SCN10A: variants seen among roughly 807,000 people sequenced by gnomAD.
SCN10A encodes sodium channel protein type 10 subunit alpha.
SCN10A carries 162 observed loss-of-function variants against 170.7 expected under a neutral mutation model. The observed-to-expected ratio is 0.95, with a 90% confidence interval of 0.84 to 1.08. The LOEUF (loss-of-function observed/expected upper bound fraction) is 1.08. Ranked by LOEUF, SCN10A falls within the 50% of genes least tolerant of loss-of-function variation. The pLI is 0.00. For missense variants in SCN10A, 2,527 were observed against 2,436.9 expected (o/e 1.04, Z -0.78); for synonymous variants, 985 against 904.6 (o/e 1.09, Z -1.59).
intron 1 of SCN10A, among the ~76,000 whole-genome samples, chr3:38,799,666 T>TTAA (rs1373378211): frequency 6.6e-6 from 1 of 152,176 alleles, no homozygotes; most frequent in East Asian, 1.9e-4. Flanking sequence ...TTTTTTATTC[T>TTAA]TAATAAAACA....
At position 38,726,821 on chromosome 3, in the gene SCN10A, C is replaced by G; in HGVS notation, c.2872G>C (p.Ala958Pro). 1 of 1,613,356 alleles carries G rather than the reference C, an allele frequency of 6.2e-7. No individual in the cohort carries two copies. The highest frequency in any genetic ancestry group is 1.1e-5 in the South Asian group (1 of 91,064). The change falls in exon 17 of 28, where the codon GCT becomes CCT. Residue 958 changes from alanine to proline, a missense_variant. Physicochemically the swap from Ala to Pro is conservative, Grantham distance 27. Transcript: ENST00000449082. ...VVKLPLSSSK[A>P]ENHIAANTAR... ...GTGTTGGCAGCAATGTGGTTCTCAG[C>G]CTTGGAGCTGGAGAGTGGGAGTTTC...
At chr3:38,783,574 G>T (rs2064164021) in intron 4 of SCN10A, among the ~76,000 whole-genome samples, 1 of 151,908 alleles carries the variant, frequency 6.6e-6, no homozygotes, top group Non-Finnish European at 1.5e-5. Flanking sequence ...TCTCATTTTA[G>T]AATATAACAG....
Position 38,761,290 on chromosome 3 carries a change from A to G in SCN10A, c.785T>C (p.Leu262Ser). The G allele has an allele frequency of 6.2e-7, 1 of 1,614,032 alleles. No individual in the cohort carries two copies. The highest frequency in any genetic ancestry group is 8.5e-7 in the Non-Finnish European group (1 of 1,179,940). Residue 262 changes from leucine to serine, a missense_variant, in exon 7 of 28, where the codon TTG (leucine) becomes TCG (serine). Transcript: ENST00000449082. ...GCCCTTGAAGAGTTGCAGCCCCACC[A>G]AGGCAAAAACACTTAGGCAGAAGAT... ...LTIFCLSVFALVGLQLFKGNL... is the reference protein window; with the variant it reads ...LTIFCLSVFASVGLQLFKGNL...
At position 38,727,059 on chromosome 3, in the gene SCN10A, A is replaced by G. The variant is rs371531127; in HGVS notation, c.2641-7T>C. 4.4e-6 allele frequency: 7 copies of G among 1,597,558 alleles called. No homozygotes were observed. In the African/African-American group the frequency reaches 6.7e-5, roughly 15 times the overall value. On this transcript the variant is annotated splice_region_variant and splice_polypyrimidine_tract_variant and intron_variant, in intron 16 of 27. Coordinates refer to ENST00000449082, the MANE Select transcript of SCN10A (RefSeq NM_006514.4). ...CGATGAACAGGTTAAGCACCTGAAGAGAAGGAATGGAAGGGAAGATTGATC... is the reference window on the plus strand; with the variant it reads ...CGATGAACAGGTTAAGCACCTGAAGGGAAGGAATGGAAGGGAAGATTGATC...
chr3:38,814,785 C>T (rs1055401521), intron 1 of SCN10A, among the ~76,000 whole-genome samples: 29 of 152,320 alleles, frequency 1.9e-4, no homozygotes, highest in African/African-American at 6.7e-4. Context: ...CACTCTAAAA[C>T]CTTCCTAACA....
intron 1 of SCN10A, among the ~76,000 whole-genome samples, chr3:38,796,200 T>C (rs1041016899): frequency 2.5e-4 from 38 of 152,292 alleles, no homozygotes; most frequent in African/African-American, 8.9e-4. Flanking sequence ...GTCTTTTTAC[T>C]GCCATTAGCC....
At chr3:38,719,899 T>A (rs1208108979) in intron 20 of SCN10A, among the ~76,000 whole-genome samples, 15 of 152,220 alleles carry the variant, frequency 9.9e-5, no homozygotes, top group Admixed American at 3.3e-4. Context: ...CGGCTGCTAA[T>A]AGTTCATGGA....
At chr3:38,714,516 C>G (rs1013440020) in intron 21 of SCN10A, among the ~76,000 whole-genome samples, 2 of 152,154 alleles carry the variant, frequency 1.3e-5, no homozygotes, top group African/African-American at 4.8e-5. Context: ...TATATTTGCT[C>G]AGAGAAGTGG....
At chr3:38,794,696 C>T (rs1455389930) in intron 1 of SCN10A, among the ~76,000 whole-genome samples, 1 of 152,202 alleles carries the variant, frequency 6.6e-6, no homozygotes, top group Non-Finnish European at 1.5e-5. Flanking sequence ...CAATCTAGAA[C>T]AGTTCCCCTG....
chr3:38,742,332 T>A lies in SCN10A; in HGVS notation c.2065A>T (p.Met689Leu). 6.2e-7 allele frequency: 1 copy of A among 1,613,652 alleles called. No homozygotes were observed. Among genetic ancestry groups the A allele is most frequent in the Non-Finnish European group, 8.5e-7 (1 of 1,179,770 alleles). The change falls in exon 14 of 28, where the codon ATG becomes TTG. Residue 689 changes from methionine (M) to leucine (L), a missense_variant. By Grantham distance (15) the Met-to-Leu change is conservative. Coordinates refer to ENST00000449082, the MANE Select transcript of SCN10A (RefSeq NM_006514.4). Reference sequence around the variant, plus strand: ...AGCATGGCTTCGAAGGTAGGGCTCATGCCATGGTGCTCCATGGCCATGAAG... The same window carrying A: ...AGCATGGCTTCGAAGGTAGGGCTCAAGCCATGGTGCTCCATGGCCATGAAG... ...TIFMAMEHHG[M>L]SPTFEAMLQI...
Position 38,739,680 on chromosome 3 carries a change from G to T in SCN10A, c.2115C>A (p.Thr705=), listed in dbSNP as rs1366219239. 2 of 1,613,598 alleles carry T rather than the reference G, an allele frequency of 1.2e-6. No individual in the cohort carries two copies. Among genetic ancestry groups the T allele is most frequent in the Middle Eastern group, 1.6e-4 (1 of 6,062 alleles). The stretch of plus-strand genomic sequence containing the variant: ...AGACCATTTCAGCAGTAAAAAATAT[G>T]GTAAAGACCTAGGAGTGGAAACAAG... The part of the protein sequence containing the change: ...AMLQIGNIVF[T]IFFTAEMVFK... The change falls in exon 15 of 28, where the codon ACC becomes ACA. Residue 705 remains threonine, a synonymous_variant. Coordinates refer to ENST00000449082, the MANE Select transcript of SCN10A (RefSeq NM_006514.4).
At chr3:38,770,180 G>A (rs2063982125) in intron 5 of SCN10A, among the ~76,000 whole-genome samples, 1 of 152,186 alleles carries the variant, frequency 6.6e-6, no homozygotes, top group Non-Finnish European at 1.5e-5. Flanking sequence ...GGCCTGAGCT[G>A]TTTGACCTCC....
chr3:38,737,551 C>G (rs925466989), intron 15 of SCN10A, among the ~76,000 whole-genome samples: 1 of 152,188 alleles, frequency 6.6e-6, no homozygotes. Flanking sequence ...TAGGCAGATG[C>G]CATCAACCAG....
At chr3:38,706,308 G>A (rs1293205802) in intron 26 of SCN10A, among the ~76,000 whole-genome samples, 1 of 152,140 alleles carries the variant, frequency 6.6e-6, no homozygotes, top group East Asian at 1.9e-4. Context: ...AATTCATTTA[G>A]GGAAAGGCTT....
At position 38,719,359 on chromosome 3, in the gene SCN10A, C is replaced by T. The variant is rs182690100; in HGVS notation, c.3508-533G>A. Among the ~76,000 whole-genome samples, 12 of 114,854 alleles carry T rather than the reference C, an allele frequency of 1.0e-4. No individual in the cohort carries two copies. The East Asian group carries it at 3.7e-3, about 36-fold the overall frequency. 75.3% of individuals were successfully genotyped at this position (114,854 alleles called of 152,430 possible). On this transcript the variant is annotated intron_variant, in intron 20 of 27. Transcript: ENST00000449082. ...CCTAGGATGCTGTGGCTGTGGGGGG[C>T]TGCCACTCTTTTTTTTTTTTTTTTT... is the stretch of plus-strand genomic sequence containing the variant.
chr3:38,727,054 T>C lies in SCN10A; in HGVS notation c.2641-2A>G. ...CAGGGCGATGAACAGGTTAAGCACCTGAAGAGAAGGAATGGAAGGGAAGAT... is the reference window on the plus strand; with the variant it reads ...CAGGGCGATGAACAGGTTAAGCACCCGAAGAGAAGGAATGGAAGGGAAGAT... On this transcript the variant is annotated splice_acceptor_variant, in intron 16 of 27. Transcript: ENST00000449082. LOFTEE classifies it high-confidence loss of function. The C allele has an allele frequency of 6.3e-7, 1 of 1,598,306 alleles. No homozygotes were observed. The highest frequency in any genetic ancestry group is 1.1e-5 in the South Asian group (1 of 90,832).
At chr3:38,790,394 ACT>A (rs1437537884) in intron 3 of SCN10A, among the ~76,000 whole-genome samples, 1 of 151,776 alleles carries the variant, frequency 6.6e-6, no homozygotes, top group Non-Finnish European at 1.5e-5. Flanking sequence ...TCCAGCTGTG[ACT>A]CTACCAAGCA....
At chr3:38,719,307 G>A (rs1029538130) in intron 20 of SCN10A, among the ~76,000 whole-genome samples, 1 of 149,214 alleles carries the variant, frequency 6.7e-6, no homozygotes, top group Non-Finnish European at 1.5e-5. Flanking sequence ...TATCAGACTG[G>A]TGGAGATGGA....
chr3:38,711,224 C>T (rs998498634), intron 23 of SCN10A, among the ~76,000 whole-genome samples: 2 of 152,196 alleles, frequency 1.3e-5, no homozygotes, highest in Admixed American at 6.5e-5. Flanking sequence ...CCTAAGGTTT[C>T]CCCTCTCAGG....
Sources: gnomAD v4.1 joint callset for allele counts (sites outside exome capture counted in the v4.1 genomes callset) on GRCh38, gnomAD v4.1.1 for gene constraint, MANE v1.5 for transcripts, NCBI Gene and HGNC (gene_info 2026-07-23, HGNC 2026-07-21) for gene names.